The following DNAJC15 variants were observed in gnomAD, a reference collection of about 807,000 sequenced individuals.
DNAJC15 encodes dnaJ homolog subfamily C member 15.
DNAJC15 carries 27 observed loss-of-function variants against 22.4 expected under a neutral mutation model. That is an observed-to-expected ratio of 1.20 (90% CI 0.89 to 1.66). The LOEUF (loss-of-function observed/expected upper bound fraction) is 1.66. DNAJC15 is among the 40% of genes most tolerant of loss of function. The probability of loss-of-function intolerance (pLI) is 0.00; values close to 1 mark genes in which losing one functional copy is unlikely to be tolerated. For synonymous variants in DNAJC15, 79 were observed against 63.2 expected (o/e 1.25, Z -1.19); for missense variants, 208 against 187.1 (o/e 1.11, Z -0.65).
At chr13:43,071,968 A>AATT (rs2153441098) in intron 3 of DNAJC15, among the ~76,000 whole-genome samples, 1 of 152,288 alleles carries the variant, frequency 6.6e-6, no homozygotes, top group South Asian at 2.1e-4. Flanking sequence ...ACTGTTAATT[A>AATT]TCAGCTGCTA....
chr13:43,039,221 A>G (rs2040442285), intron 1 of DNAJC15, among the ~76,000 whole-genome samples: 1 of 152,196 alleles, frequency 6.6e-6, no homozygotes, highest in Admixed American at 6.5e-5. Flanking sequence ...TGTCTTCCTC[A>G]TAAAATGTGG....
chr13:43,062,967 C>T (rs528117759), intron 1 of DNAJC15, among the ~76,000 whole-genome samples: 28 of 151,434 alleles, frequency 1.8e-4, no homozygotes, highest in African/African-American at 6.3e-4. Context: ...AATCCATCTA[C>T]CTCGGCTTCC....
intron 1 of DNAJC15, among the ~76,000 whole-genome samples, chr13:43,048,852 A>G (rs142538625): frequency 6.6e-6 from 1 of 152,246 alleles, no homozygotes; most frequent in East Asian, 1.9e-4. Context: ...CAATAATTAG[A>G]TTTTCTGCAG....
intron 1 of DNAJC15, among the ~76,000 whole-genome samples, chr13:43,024,512 T>G (rs1593305590): frequency 6.6e-6 from 1 of 151,848 alleles, no homozygotes; most frequent in East Asian, 1.9e-4. Flanking sequence ...CCCGGCTAAT[T>G]TTTTGTATTT....
chr13:43,106,542 T>C (rs1566219493), intron 5 of DNAJC15, among the ~76,000 whole-genome samples: 2 of 152,154 alleles, frequency 1.3e-5, no homozygotes, highest in Admixed American at 6.5e-5. Context: ...AACTACACTC[T>C]GTAAATATTC....
At chr13:43,064,705 C>T (rs985128526) in intron 1 of DNAJC15, among the ~76,000 whole-genome samples, 1 of 152,140 alleles carries the variant, frequency 6.6e-6, no homozygotes, top group Non-Finnish European at 1.5e-5. Flanking sequence ...GCTCTGTGAT[C>T]ATCTGGAACC....
intron 1 of DNAJC15, among the ~76,000 whole-genome samples, chr13:43,025,921 A>G (rs963323002): frequency 1.3e-5 from 2 of 152,232 alleles, no homozygotes; most frequent in African/African-American, 4.8e-5. Context: ...AGAAAATAAC[A>G]TGTTAACATG....
At chr13:43,107,054 A>G (rs2040800106) in intron 5 of DNAJC15, 124 bp from the exon 6 acceptor site, 3 of 735,072 alleles carry the variant, frequency 4.1e-6, no homozygotes, top group Non-Finnish European at 5.9e-6. Context: ...TTAGCTTATA[A>G]AATAATTTGT....
chr13:43,046,651 G>A (rs2040478511), intron 1 of DNAJC15, among the ~76,000 whole-genome samples: 1 of 152,226 alleles, frequency 6.6e-6, no homozygotes, highest in African/African-American at 2.4e-5. Flanking sequence ...CATTGGAGCA[G>A]AGAGTGGGCA....
chr13:43,111,847 T>C lies in DNAJC15; in HGVS notation c.*4599T>C, dbSNP rs563716569. ...GAAAAGCAACCCAAAGAGCAAATCC[T>C]ATTAATGGCTGGATCAGTATCATCT... On this transcript the variant is annotated 3_prime_UTR_variant, in exon 6 of 6. Coordinates refer to ENST00000379221, the MANE Select transcript of DNAJC15 (RefSeq NM_013238.3). 1 of 152,380 alleles carries C rather than the reference T, an allele frequency of 6.6e-6. No homozygotes were observed. Among genetic ancestry groups the C allele is most frequent in the South Asian group, 2.1e-4 (1 of 4,832 alleles). The allele number at this position is 152,380 out of a possible 1,614,324, so 9.4% of individuals were successfully genotyped here.
chr13:43,100,205 CTTTTTTTTTTTT>C (rs368386623), intron 5 of DNAJC15, among the ~76,000 whole-genome samples: 1 of 110,512 alleles, frequency 9.0e-6, no homozygotes, highest in Non-Finnish European at 1.8e-5. Flanking sequence ...TTATTGAAGT[CTTTTTTTTTTTT>C]TTTTTTTTGA....
intron 3 of DNAJC15, among the ~76,000 whole-genome samples, chr13:43,075,294 G>A (rs2040628320): frequency 6.6e-6 from 1 of 152,060 alleles, no homozygotes; most frequent in African/African-American, 2.4e-5. Context: ...ATGTCTACCT[G>A]GGCAAAACTG....
At position 43,054,960 on chromosome 13, in the gene DNAJC15, G is replaced by A. The variant is rs189555577; in HGVS notation, c.109-10726G>A. 3.2e-4 allele frequency among the ~76,000 whole-genome samples: 49 copies of A among 152,196 alleles called. No homozygotes were observed. In the East Asian group the frequency reaches 5.0e-3, roughly 16 times the overall value. ...CCCTGGAGCACAGAAGGAGGGCGGG[G>A]AGTCTCCTGGGTAATCACCAAACTT... On this transcript the variant is annotated intron_variant, in intron 1 of 5. Coordinates refer to ENST00000379221, the MANE Select transcript of DNAJC15 (RefSeq NM_013238.3).
At chr13:43,037,536 GT>G (rs2153439674) in intron 1 of DNAJC15, among the ~76,000 whole-genome samples, 1 of 152,220 alleles carries the variant, frequency 6.6e-6, no homozygotes, top group South Asian at 2.1e-4. Context: ...AGGTCAGAGG[GT>G]TTTCTGCCTT....
chr13:43,085,379 A>G (rs1474287385), intron 4 of DNAJC15, among the ~76,000 whole-genome samples: 8 of 147,012 alleles, frequency 5.4e-5, no homozygotes, highest in East Asian at 2.1e-4. Context: ...GTGGGGGGGG[A>G]AAGTCCAGCA....
chr13:43,098,419 G>A (rs572945706), intron 5 of DNAJC15, among the ~76,000 whole-genome samples: 5 of 152,260 alleles, frequency 3.3e-5, no homozygotes, highest in South Asian at 2.1e-4. Flanking sequence ...TGTCATAGAA[G>A]GAATATATTT....
intron 1 of DNAJC15, among the ~76,000 whole-genome samples, chr13:43,059,837 AGCAATGTTTCGCGG>A (rs1371251045): frequency 4.6e-5 from 7 of 152,150 alleles, no homozygotes; most frequent in South Asian, 4.1e-4. Context: ...TGCAGTTAGG[AGCAATGTTTCGCGG>A]GCATGGGGTG....
At chr13:43,076,666 T>C (rs566068292) in intron 3 of DNAJC15, among the ~76,000 whole-genome samples, 516 of 152,328 alleles carry the variant, frequency 3.4e-3, no homozygotes, top group Non-Finnish European at 5.3e-3. Context: ...ATGTGTATGT[T>C]TCCTCCTAAA....
intron 5 of DNAJC15, among the ~76,000 whole-genome samples, chr13:43,096,403 C>A (rs951095109): frequency 1.3e-5 from 2 of 152,198 alleles, no homozygotes; most frequent in Non-Finnish European, 2.9e-5. Context: ...CTGAGCTAGG[C>A]ATTTAGATCT....
Sources: allele counts gnomAD v4.1 joint callset (sites outside exome capture counted in the v4.1 genomes callset), GRCh38; gene constraint gnomAD v4.1.1; transcripts MANE v1.5; gene names NCBI Gene and HGNC (gene_info 2026-07-23, HGNC 2026-07-21).